Variants in GRID2 observed in about 807,000 individuals in gnomAD.
GRID2 encodes glutamate receptor ionotropic, delta-2.
GRID2 carries 33 observed loss-of-function variants against 114.8 expected under a neutral mutation model. The ratio of observed to expected loss-of-function variants is 0.29; its 90% CI spans 0.22 to 0.38. GRID2 has a LOEUF of 0.38. Ranked by LOEUF, GRID2 falls within the 10% of genes least tolerant of loss-of-function variation. GRID2 has a pLI of 1.00. For missense variants in GRID2, 1,184 were observed against 1,257.7 expected, an observed-to-expected ratio of 0.94 and a Z score of 0.89; for synonymous variants, 505 against 449.9, an observed-to-expected ratio of 1.12 and a Z score of -1.55.
chr4:93,700,012 C>T (rs768243855), intron 14 of GRID2, among the ~76,000 whole-genome samples: 3 of 152,056 alleles, frequency 2.0e-5, no homozygotes, highest in Non-Finnish European at 2.9e-5. Flanking sequence ...AAATGTATGA[C>T]ACAGTGGAGG....
At chr4:93,068,212 T>C (rs1728482801) in intron 2 of GRID2, among the ~76,000 whole-genome samples, 1 of 152,094 alleles carries the variant, frequency 6.6e-6, no homozygotes, top group Admixed American at 6.6e-5. Context: ...ATGCAAATTA[T>C]AGTAAAGTAT....
chr4:92,513,775 T>C (rs1402756769), intron 1 of GRID2, among the ~76,000 whole-genome samples: 1 of 151,858 alleles, frequency 6.6e-6, no homozygotes, highest in African/African-American at 2.4e-5. Context: ...GAAATATTTA[T>C]TGAATGAGTT....
intron 1 of GRID2, among the ~76,000 whole-genome samples, chr4:92,413,749 A>G (rs1731450459): frequency 6.6e-6 from 1 of 152,164 alleles, no homozygotes; most frequent in African/African-American, 2.4e-5. Context: ...TGTTAAATAT[A>G]TGCATCTGGG....
At chr4:92,440,509 C>G (rs1281605512) in intron 1 of GRID2, among the ~76,000 whole-genome samples, 1 of 151,744 alleles carries the variant, frequency 6.6e-6, no homozygotes, top group East Asian at 1.9e-4. Context: ...GGCAAATCCT[C>G]GAGCTTGATG....
chr4:92,437,726 C>T (rs1732805636), intron 1 of GRID2, among the ~76,000 whole-genome samples: 1 of 152,192 alleles, frequency 6.6e-6, no homozygotes, highest in South Asian at 2.1e-4. Context: ...CATGAAAACA[C>T]ATTTAATACT....
chr4:93,310,925 A>C (rs755059905), intron 8 of GRID2, among the ~76,000 whole-genome samples: 1 of 152,190 alleles, frequency 6.6e-6, no homozygotes, highest in Non-Finnish European at 1.5e-5. Context: ...GTATAGGTTT[A>C]CTGGAACAAA....
At chr4:93,240,593 T>C (rs1358757030) in intron 8 of GRID2, among the ~76,000 whole-genome samples, 1 of 151,504 alleles carries the variant, frequency 6.6e-6, no homozygotes, top group Non-Finnish European at 1.5e-5. Flanking sequence ...ATAGTATCTT[T>C]AAATTTAGAG....
At chr4:93,355,050 A>G (rs10002534) in intron 8 of GRID2, among the ~76,000 whole-genome samples, 23,395 of 151,274 alleles carry the variant, frequency 0.15, 3,550 homozygotes, top group African/African-American at 0.4. Context: ...ACATGTAAAA[A>G]CCTCAATGAT....
intron 1 of GRID2, among the ~76,000 whole-genome samples, chr4:92,374,561 T>A (rs971925869): frequency 6.6e-6 from 1 of 152,178 alleles, no homozygotes; most frequent in Non-Finnish European, 1.5e-5. Flanking sequence ...GGTCACTATA[T>A]GTGGCTCAGA....
chr4:92,332,522 A>C (rs1726947791), intron 1 of GRID2, among the ~76,000 whole-genome samples: 1 of 152,138 alleles, frequency 6.6e-6, no homozygotes, highest in Admixed American at 6.5e-5. Context: ...CAAATTGAAA[A>C]ATATATTCAT....
intron 8 of GRID2, among the ~76,000 whole-genome samples, chr4:93,355,045 T>G (rs1761198266): frequency 6.6e-6 from 1 of 151,636 alleles, no homozygotes; most frequent in Non-Finnish European, 1.5e-5. Flanking sequence ...CATCAACATG[T>G]AAAAACCTCA....
At chr4:92,817,306 G>A (rs1740978783) in intron 2 of GRID2, among the ~76,000 whole-genome samples, 1 of 151,850 alleles carries the variant, frequency 6.6e-6, no homozygotes, top group Non-Finnish European at 1.5e-5. Context: ...ATTGCTGTGG[G>A]TTTAAAAAAT....
chr4:93,536,788 G>A (rs1186130463), intron 13 of GRID2, among the ~76,000 whole-genome samples: 4 of 151,074 alleles, frequency 2.6e-5, no homozygotes, highest in Non-Finnish European at 5.9e-5. Context: ...AATAAATAAG[G>A]GACATATTTG....
intron 2 of GRID2, among the ~76,000 whole-genome samples, chr4:93,025,054 A>G (rs1723758711): frequency 6.6e-6 from 1 of 151,696 alleles, no homozygotes; most frequent in East Asian, 1.9e-4. Flanking sequence ...GCACACAGTA[A>G]GCCTTCATTA....
chr4:93,787,206 C>T (rs917126595), intron 1 of GRID2, among the ~76,000 whole-genome samples: 3 of 152,016 alleles, frequency 2.0e-5, no homozygotes. Context: ...CACATCACTT[C>T]TGCACACATC....
At chr4:92,338,277 CG>C (rs1024864585) in intron 1 of GRID2, among the ~76,000 whole-genome samples, 1 of 152,006 alleles carries the variant, frequency 6.6e-6, no homozygotes, top group African/African-American at 2.4e-5. Context: ...ATTATAAAGA[CG>C]GATTGTACCT....
intron 2 of GRID2, among the ~76,000 whole-genome samples, chr4:93,061,974 A>T (rs1330231144): frequency 1.3e-5 from 2 of 152,164 alleles, no homozygotes; most frequent in Non-Finnish European, 2.9e-5. Context: ...CCTCAAAAAC[A>T]TTCTTAGATA....
chr4:93,007,941 T>G (rs1721724868), intron 2 of GRID2, among the ~76,000 whole-genome samples: 1 of 147,538 alleles, frequency 6.8e-6, no homozygotes, highest in African/African-American at 2.5e-5. Context: ...CTCAGGAGAC[T>G]GAGGCAGGAG....
intron 1 of GRID2, among the ~76,000 whole-genome samples, chr4:92,407,900 G>A (rs1388237023): frequency 2.0e-5 from 3 of 152,014 alleles, no homozygotes; most frequent in Non-Finnish European, 2.9e-5. Context: ...TTACTTTGTT[G>A]GTAATTTCTT....
Sources: gnomAD v4.1 joint callset for allele counts (sites outside exome capture counted in the v4.1 genomes callset) on GRCh38, gnomAD v4.1.1 for gene constraint, MANE v1.5 for transcripts, NCBI Gene and HGNC (gene_info 2026-07-23, HGNC 2026-07-21) for gene names.